The following PPP2R1A variants were observed in gnomAD, a reference collection of about 807,000 sequenced individuals.
The protein encoded by PPP2R1A is protein phosphatase 2 scaffold subunit Aalpha.
PPP2R1A carries 15 observed loss-of-function variants against 67.1 expected under a neutral mutation model. The observed-to-expected ratio is 0.22, with a 90% CI of 0.15 to 0.34. The LOEUF is 0.34. Among genes scored for constraint, PPP2R1A ranks in the 10% least tolerant of loss-of-function variants. The probability of loss-of-function intolerance (pLI) is 1.00; values close to 1 mark genes in which losing one functional copy is unlikely to be tolerated. For missense variants in PPP2R1A, 369 were observed against 775.0 expected (o/e 0.48, Z 6.22); for synonymous variants, 337 against 325.0 (o/e 1.04, Z -0.40).
intron 1 of PPP2R1A, among the ~76,000 whole-genome samples, chr19:52,199,541 C>CTACA (rs2089527364): frequency 6.6e-6 from 1 of 152,154 alleles, no homozygotes; most frequent in Non-Finnish European, 1.5e-5. Context: ...GGTCAGCAGA[C>CTACA]TACAGTCCAT....
chr19:52,217,993 A>G (rs1978685543), intron 9 of PPP2R1A, among the ~76,000 whole-genome samples: 1 of 152,072 alleles, frequency 6.6e-6, no homozygotes, highest in African/African-American at 2.4e-5. Flanking sequence ...ACCAAACCGG[A>G]GGCTGTGGGA....
intron 13 of PPP2R1A, 23 bp downstream of exon 13, chr19:52,222,264 C>T (rs368258877): frequency 3.1e-6 from 5 of 1,607,888 alleles, no homozygotes; most frequent in Non-Finnish European, 4.3e-6. Context: ...TACTCCCCCA[C>T]ACACTGGCAG....
chr19:52,213,631 C>T lies in PPP2R1A; in HGVS notation c.807+521C>T, dbSNP rs1482004119. On this transcript the variant is annotated intron_variant, in intron 6 of 14. Transcript: ENST00000322088. This position sits in a 1 kb window ranked among gnomAD's most constrained non-coding sequence, Gnocchi z 4.2. ...CTGAGGGACTGGGATTACAGATGCC[C>T]ACCACGACACCCGGCTAGTTTTTGT... Among the ~76,000 whole-genome samples the T allele has an allele frequency of 2.6e-5, 4 of 151,626 alleles. No individual in the cohort carries two copies. Among genetic ancestry groups the T allele is most frequent in the Non-Finnish European group, 4.4e-5 (3 of 67,920 alleles).
At position 52,219,881 on chromosome 19, in the gene PPP2R1A, G is replaced by A; in HGVS notation, c.1302+17G>A. ...GGACAGCTGGTGAGTGAGGAGGCCT[G>A]GGGGCCAGGCAGTGCTGCCTCAGGG... On this transcript the variant is annotated intron_variant, in intron 10 of 14. Transcript: ENST00000322088. This position sits in a 1 kb window ranked among gnomAD's most constrained non-coding sequence, Gnocchi z 4.0. The A allele has an allele frequency of 5.0e-6, 8 of 1,603,068 alleles. No homozygotes were observed. Among genetic ancestry groups the A allele is most frequent in the Non-Finnish European group, 6.8e-6 (8 of 1,175,650 alleles).
At chr19:52,191,034 ATTTT>A (rs1242923361) in intron 1 of PPP2R1A, 1 of 152,044 alleles carries the variant, frequency 6.6e-6, no homozygotes, top group Non-Finnish European at 1.5e-5. Context: ...TAATTTTTGT[ATTTT>A]TAGCAGAGAC....
chr19:52,222,546 C>A, intron 13 of PPP2R1A: 1 of 256,352 alleles, frequency 3.9e-6, no homozygotes, highest in Non-Finnish European at 7.4e-6. Context: ...CCAAAAATAT[C>A]AAATAGCCAG....
intron 1 of PPP2R1A, chr19:52,190,379 G>C (rs530269070): frequency 1.6e-6 from 1 of 641,006 alleles, no homozygotes; most frequent in Admixed American, 3.0e-5. Flanking sequence ...GCGGGGGCCA[G>C]CGCTAGCCTC....
Position 52,212,845 on chromosome 19 carries a change from T to G in PPP2R1A, c.651+12T>G, listed in dbSNP as rs758284207. The G allele has an allele frequency of 1.9e-6, 3 of 1,589,042 alleles. No individual in the cohort carries two copies. In the South Asian group the frequency reaches 3.4e-5, roughly 18 times the overall value. The stretch of plus-strand genomic sequence containing the variant: ...CCTCTGACGAGCAGGTGAGTTTTGC[T>G]TCCTGGCCCTCTGCTCTCCCGTCCT... On this transcript the variant is annotated intron_variant, in intron 5 of 14. Transcript: ENST00000322088. This position sits in a 1 kb window ranked among gnomAD's most constrained non-coding sequence, Gnocchi z 4.1.
chr19:52,218,247 A>G (rs1978701304), intron 9 of PPP2R1A, among the ~76,000 whole-genome samples: 1 of 152,072 alleles, frequency 6.6e-6, no homozygotes, highest in Admixed American at 6.5e-5. Context: ...TTTTTTATAC[A>G]CAGGCGCCCA....
chr19:52,214,702 G>A (rs1022080113), intron 6 of PPP2R1A, among the ~76,000 whole-genome samples: 4 of 151,612 alleles, frequency 2.6e-5, no homozygotes, highest in African/African-American at 9.7e-5. Context: ...CTGGTGCCAT[G>A]AAACAGGCAG....
chr19:52,211,286 G>A lies in PPP2R1A; in HGVS notation c.297G>A (p.Val99=), dbSNP rs1220406704. 3 of 1,612,838 alleles carry A rather than the reference G, an allele frequency of 1.9e-6. No individual in the cohort carries two copies. The East Asian group carries it at 6.7e-5, about 36-fold the overall frequency. Residue 99 remains valine (V), a synonymous_variant, in exon 4 of 15, where the codon GTG becomes GTA. Transcript: ENST00000322088. The surrounding 1 kb of genome is among the most constrained non-coding windows in gnomAD (Gnocchi z 5.3). Reference sequence around the variant, plus strand: ...CACCGCTGGAGTCGCTGGCCACAGTGGAGGAGACAGTGGTGCGGGACAAGG... The same window carrying A: ...CACCGCTGGAGTCGCTGGCCACAGTAGAGGAGACAGTGGTGCGGGACAAGG... The part of the protein sequence containing the change: ...LLPPLESLAT[V]EETVVRDKAV...
intron 3 of PPP2R1A, 53 bp downstream of exon 3, chr19:52,206,116 T>G: frequency 1.3e-6 from 2 of 1,522,088 alleles, no homozygotes; most frequent in South Asian, 1.1e-5. Context: ...CGGCCCATGG[T>G]CCTGCCGGCC....
chr19:52,223,155 A>G (rs1325253904), intron 13 of PPP2R1A, among the ~76,000 whole-genome samples: 1 of 152,232 alleles, frequency 6.6e-6, no homozygotes, highest in Non-Finnish European at 1.5e-5. Context: ...GCATCTCTGC[A>G]GTTCAGTGGA....
At chr19:52,208,523 A>G (rs1343874129) in intron 3 of PPP2R1A, among the ~76,000 whole-genome samples, 2 of 146,922 alleles carry the variant, frequency 1.4e-5, no homozygotes, top group African/African-American at 5.1e-5. Flanking sequence ...TCTTTGAGAC[A>G]GAGTCTCGCT....
Position 52,211,124 on chromosome 19 carries a change from A to T in PPP2R1A, c.271-136A>T. On this transcript the variant is annotated intron_variant, in intron 3 of 14. Transcript: ENST00000322088. The surrounding 1 kb of genome is among the most constrained non-coding windows in gnomAD (Gnocchi z 5.3). ...TTCATTGCAACCATTTTTAAAGGCT[A>T]TTTTAATGAAGGTCGGGATGGGTAA... The T allele has an allele frequency of 1.3e-6, 1 of 746,296 alleles. No individual in the cohort carries two copies. The highest frequency in any genetic ancestry group is 2.1e-6 in the Non-Finnish European group (1 of 466,354). The allele number at this position is 746,296 out of a possible 1,614,324, so 46.2% of individuals were successfully genotyped here. A position where few individuals can be genotyped will look rare whatever the true frequency, so the allele number is the denominator to read the frequency against.
intron 3 of PPP2R1A, among the ~76,000 whole-genome samples, chr19:52,207,879 AG>A (rs946225621): frequency 1.4e-4 from 22 of 152,258 alleles, no homozygotes; most frequent in Middle Eastern, 3.4e-3. Flanking sequence ...CAAGGGAGGC[AG>A]GGGGGTCCTT....
chr19:52,196,648 T>C (rs575768850), intron 1 of PPP2R1A, among the ~76,000 whole-genome samples: 1 of 140,264 alleles, frequency 7.1e-6, no homozygotes, highest in South Asian at 2.1e-4. Flanking sequence ...AGAAAAACTC[T>C]AAATAACAGG....
intron 13 of PPP2R1A, among the ~76,000 whole-genome samples, chr19:52,223,002 C>T (rs1979035111): frequency 1.3e-5 from 2 of 152,140 alleles, no homozygotes; most frequent in African/African-American, 4.8e-5. Context: ...TTCTAATGAA[C>T]AAAGTTGTCT....
chr19:52,226,515 A>G lies in PPP2R1A; in HGVS notation c.*534A>G. On this transcript the variant is annotated 3_prime_UTR_variant, in exon 15 of 15. Coordinates refer to ENST00000322088, the MANE Select transcript of PPP2R1A (RefSeq NM_014225.6). The stretch of plus-strand genomic sequence containing the variant: ...TCTCTGGAGAAGATCTTGTTACAGG[A>G]CCCATTATACCCCTATGTCCCGAAA... 8.9e-6 allele frequency: 2 copies of G among 224,688 alleles called. No individual in the cohort carries two copies. Among genetic ancestry groups the G allele is most frequent in the African/African-American group, 4.5e-5 (2 of 44,582 alleles). 13.9% of individuals were successfully genotyped at this position (224,688 alleles called of 1,614,324 possible). A position where few individuals can be genotyped will look rare whatever the true frequency, so the allele number is the denominator to read the frequency against.
Sources: gnomAD v4.1 joint callset for allele counts (sites outside exome capture counted in the v4.1 genomes callset) on GRCh38, gnomAD v4.1.1 for gene constraint, Gnocchi (gnomAD v3.1) non-coding constraint, MANE v1.5 for transcripts, NCBI Gene and HGNC (gene_info 2026-07-23, HGNC 2026-07-21) for gene names.